The following MGAT4C variants were observed in gnomAD, a reference collection of about 807,000 sequenced individuals.
MGAT4C encodes MGAT4 family member C, also known as alpha-1,3-mannosyl-glycoprotein 4-beta-N-acetylglucosaminyltransferase C.
MGAT4C carries 19 observed loss-of-function variants against 40.1 expected under a neutral mutation model. The ratio of observed to expected loss-of-function variants is 0.47; its 90% CI spans 0.33 to 0.70. The LOEUF is 0.70. Among genes scored for constraint, MGAT4C ranks in the 30% least tolerant of loss-of-function variants. MGAT4C has a pLI of 0.02. For synonymous variants in MGAT4C, 181 were observed against 187.1 expected, an observed-to-expected ratio of 0.97 and a Z score of 0.27; for missense variants, 491 against 563.2, an observed-to-expected ratio of 0.87 and a Z score of 1.30.
intron 1 of MGAT4C, among the ~76,000 whole-genome samples, chr12:86,832,848 T>A (rs1337800565): frequency 6.6e-6 from 1 of 151,854 alleles, no homozygotes; most frequent in Non-Finnish European, 1.5e-5. Flanking sequence ...CTCTGGAAGG[T>A]TGCTAGTAGA....
intron 2 of MGAT4C, among the ~76,000 whole-genome samples, chr12:86,687,738 G>A (rs1393343993): frequency 2.6e-5 from 4 of 152,178 alleles, no homozygotes; most frequent in Non-Finnish European, 5.9e-5. Context: ...TTGTTGAGAA[G>A]TGTTTTACTT....
chr12:86,500,458 T>A (rs2136333159), intron 2 of MGAT4C, among the ~76,000 whole-genome samples: 1 of 151,962 alleles, frequency 6.6e-6, no homozygotes, highest in African/African-American at 2.4e-5. Context: ...TTATTAAAAA[T>A]TATGCCAATA....
chr12:86,499,980 A>G (rs145623176), intron 2 of MGAT4C, among the ~76,000 whole-genome samples: 398 of 152,052 alleles, frequency 2.6e-3, no homozygotes, highest in African/African-American at 9.4e-3. Flanking sequence ...AGGTGGGTCT[A>G]GAGACAAAGT....
intron 1 of MGAT4C, among the ~76,000 whole-genome samples, chr12:86,071,614 T>C (rs947207036): frequency 6.6e-6 from 1 of 152,116 alleles, no homozygotes; most frequent in Non-Finnish European, 1.5e-5. Flanking sequence ...ATGTGAATGA[T>C]TTCTTTTAAC....
At chr12:86,015,370 G>A (rs1888982910) in intron 2 of MGAT4C, among the ~76,000 whole-genome samples, 1 of 152,104 alleles carries the variant, frequency 6.6e-6, no homozygotes, top group Non-Finnish European at 1.5e-5. Context: ...TGTTTGTGCT[G>A]TGGTCATGCC....
intron 2 of MGAT4C, among the ~76,000 whole-genome samples, chr12:86,505,798 A>G (rs1309366833): frequency 1.3e-5 from 2 of 152,200 alleles, no homozygotes; most frequent in African/African-American, 2.4e-5. Flanking sequence ...CATGTAATTT[A>G]GTCCTGGTCA....
At chr12:86,252,157 G>A (rs1435662859) in intron 1 of MGAT4C, among the ~76,000 whole-genome samples, 3 of 152,026 alleles carry the variant, frequency 2.0e-5, no homozygotes, top group Non-Finnish European at 2.9e-5. Flanking sequence ...GGGCACATTC[G>A]TTTGTCATAG....
At chr12:86,216,224 T>C (rs1950665455) in intron 1 of MGAT4C, among the ~76,000 whole-genome samples, 1 of 152,160 alleles carries the variant, frequency 6.6e-6, no homozygotes, top group Non-Finnish European at 1.5e-5. Context: ...TTAACTTAAA[T>C]GTGTTGGCTT....
At chr12:86,685,257 T>C (rs1199150253) in intron 2 of MGAT4C, among the ~76,000 whole-genome samples, 1 of 152,216 alleles carries the variant, frequency 6.6e-6, no homozygotes, top group Non-Finnish European at 1.5e-5. Context: ...TGCATATGGC[T>C]AGCCAGTTTT....
chr12:86,774,322 T>TCTTTCTTTCTTTC lies in MGAT4C; in HGVS notation c.-261-47094_-261-47082dup, dbSNP rs1215828918. On this transcript the variant is annotated intron_variant, in intron 1 of 7. Transcript: ENST00000548651. ...TTCTTTCTTTCTTTCTTTCTTTCTTTCTTTCTTTCTTTCTTTCTGTCTCTC... is the reference window on the plus strand; with the variant it reads ...TTCTTTCTTTCTTTCTTTCTTTCTTTCTTTCTTTCTTTCCTTTCTTTCTTTCTTTCTGTCTCTC... 9.4e-3 allele frequency among the ~76,000 whole-genome samples: 935 copies of TCTTTCTTTCTTTC among 99,522 alleles called. 77 individuals are homozygous for TCTTTCTTTCTTTC. Among genetic ancestry groups the TCTTTCTTTCTTTC allele is most frequent in the South Asian group, 0.034 (81 of 2,378 alleles). The allele number at this position is 99,522 out of a possible 152,430, so 65.3% of individuals were successfully genotyped here.
intron 2 of MGAT4C, among the ~76,000 whole-genome samples, chr12:86,659,885 G>A (rs1412001837): frequency 2.0e-5 from 3 of 151,678 alleles, no homozygotes; most frequent in African/African-American, 7.3e-5. Flanking sequence ...GGTTTGCTGG[G>A]GGAATTAAAT....
intron 2 of MGAT4C, among the ~76,000 whole-genome samples, chr12:86,442,002 C>CCT (rs1472883254): frequency 2.0e-5 from 3 of 152,102 alleles, no homozygotes; most frequent in African/African-American, 7.2e-5. Context: ...CTCTCCAGCA[C>CCT]CTGTTGTTTC....
At chr12:86,725,742 C>T (rs1950811204) in intron 2 of MGAT4C, among the ~76,000 whole-genome samples, 1 of 151,762 alleles carries the variant, frequency 6.6e-6, no homozygotes, top group African/African-American at 2.4e-5. Context: ...GGATTACAGG[C>T]GTGAGCCACC....
At chr12:86,128,717 T>C (rs1351921620) in intron 1 of MGAT4C, among the ~76,000 whole-genome samples, 1 of 152,196 alleles carries the variant, frequency 6.6e-6, no homozygotes, top group Admixed American at 6.5e-5. Flanking sequence ...TTCTTCAAAA[T>C]ATGAGCCAGA....
At chr12:86,665,731 C>A (rs1964089674) in intron 2 of MGAT4C, among the ~76,000 whole-genome samples, 1 of 152,096 alleles carries the variant, frequency 6.6e-6, no homozygotes, top group African/African-American at 2.4e-5. Flanking sequence ...CAATTTAATG[C>A]AATTTCGATT....
chr12:86,781,303 T>G (rs2136182667), intron 1 of MGAT4C, among the ~76,000 whole-genome samples: 1 of 152,196 alleles, frequency 6.6e-6, no homozygotes, highest in South Asian at 2.1e-4. Context: ...TTTTTTCTCC[T>G]CATCCTCATC....
intron 2 of MGAT4C, among the ~76,000 whole-genome samples, chr12:86,524,352 T>A: frequency 6.6e-6 from 1 of 152,178 alleles, no homozygotes; most frequent in East Asian, 1.9e-4. Flanking sequence ...CTCTTGAAGC[T>A]TAGTTTGGCC....
intron 2 of MGAT4C, among the ~76,000 whole-genome samples, chr12:86,498,425 G>T (rs2136331119): frequency 6.6e-6 from 1 of 151,730 alleles, no homozygotes; most frequent in East Asian, 1.9e-4. Context: ...GAAAAATTCA[G>T]AAAAAGCAAG....
chr12:86,661,382 C>T (rs1288461383), intron 2 of MGAT4C, among the ~76,000 whole-genome samples: 1 of 151,366 alleles, frequency 6.6e-6, no homozygotes, highest in Non-Finnish European at 1.5e-5. Flanking sequence ...GTAAATATTA[C>T]AATAAATAAG....
Sources: allele counts gnomAD v4.1 joint callset (sites outside exome capture counted in the v4.1 genomes callset), GRCh38; gene constraint gnomAD v4.1.1; transcripts MANE v1.5; gene names NCBI Gene and HGNC (gene_info 2026-07-23, HGNC 2026-07-21).